EFTUD2: variants seen among roughly 807,000 people sequenced by gnomAD.
EFTUD2 encodes 116 kDa U5 small nuclear ribonucleoprotein component.
In EFTUD2, 9 loss-of-function variants were observed where a neutral mutation model predicts 114.3. The ratio of observed to expected loss-of-function variants is 0.08; its 90% CI spans 0.05 to 0.14. The LOEUF is 0.14. EFTUD2 is among the 10% of genes least tolerant of loss of function. EFTUD2 has a pLI of 1.00. For missense variants in EFTUD2, 765 were observed against 1,241.2 expected, an observed-to-expected ratio of 0.62 and a Z score of 5.76; for synonymous variants, 449 against 462.3, an observed-to-expected ratio of 0.97 and a Z score of 0.37.
chr17:44,856,821 C>T (rs770964987), intron 20 of EFTUD2, among the ~76,000 whole-genome samples: 2 of 151,648 alleles, frequency 1.3e-5, no homozygotes, highest in Admixed American at 6.6e-5. Context: ...TTAAGATAGT[C>T]ATTTTATAGA....
chr17:44,855,056 G>A, intron 20 of EFTUD2, 52 bp from the exon 21 acceptor site: 2 of 1,493,076 alleles, frequency 1.3e-6, no homozygotes, highest in South Asian at 2.3e-5. Flanking sequence ...CAGCAGAAGA[G>A]GCATTACTAA....
In EFTUD2 at chr17:44,867,816, G is replaced by A; in HGVS notation, c.1140C>T (p.Ile380=). Residue 380 remains isoleucine, a synonymous_variant, in exon 13 of 28, where the codon ATC becomes ATT. Transcript: ENST00000426333. ...GACCTGACACACTCACCTGGGCGAGGATCTTATAAAGAGGCTCCAAGATAA... is the reference window on the plus strand; with the variant it reads ...GACCTGACACACTCACCTGGGCGAGAATCTTATAAAGAGGCTCCAAGATAA... ...VEFILEPLYK[I]LAQVVGDVDT... 1.3e-6 allele frequency: 2 copies of A among 1,596,342 alleles called. No individual in the cohort carries two copies. The highest frequency in any genetic ancestry group is 1.7e-6 in the Non-Finnish European group (2 of 1,170,630).
chr17:44,885,326 T>C lies in EFTUD2; in HGVS notation c.280A>G (p.Ile94Val), dbSNP rs1307844903. The C allele has an allele frequency of 1.2e-6, 2 of 1,612,904 alleles. No homozygotes were observed. Among genetic ancestry groups the C allele is most frequent in the Admixed American group, 1.7e-5 (1 of 59,984 alleles). ...AATTTCTTGGTTTTCACTGGCTTAA[T>C]AATGGGTTCTAGAAGAAAAAAAAAA... ...EDTQPLTEPI[I>V]KPVKTKKFTL... The change falls in exon 4 of 28, where the codon ATT becomes GTT. Residue 94 changes from isoleucine to valine, a missense_variant. This residue lies in a region of EFTUD2 where 121 missense variants were observed against 133.7 expected (regional missense o/e 0.90). Coordinates refer to ENST00000426333, the MANE Select transcript of EFTUD2 (RefSeq NM_004247.4).
At position 44,862,747 on chromosome 17, in the gene EFTUD2, A is replaced by G. The variant is rs765312595; in HGVS notation, c.1573T>C (p.Cys525Arg). The part of the protein sequence containing the change: ...TLEDEEDSQI[C>R]TVGRLWISVA... ...GAGATCCAAAGGCGGCCCACGGTGC[A>G]TATCTGGGAGTCTTCCTCATCCTCC... The change falls in exon 16 of 28, where the codon TGC becomes CGC. Residue 525 changes from cysteine to arginine, a missense_variant. Physicochemically the swap from Cys to Arg is radical, Grantham distance 180. Transcript: ENST00000426333. 3.7e-6 allele frequency: 6 copies of G among 1,614,064 alleles called. No individual in the cohort carries two copies. The highest frequency in any genetic ancestry group is 4.5e-5 in the East Asian group (2 of 44,878).
chr17:44,851,564 G>A (rs1483302940), intron 27 of EFTUD2, 146 bp downstream of exon 27: 3 of 961,324 alleles, frequency 3.1e-6, no homozygotes, highest in East Asian at 2.6e-5. Context: ...TGGGGCCCAG[G>A]TTTGGTTGCC....
chr17:44,857,298 C>T, intron 19 of EFTUD2, 141 bp from the exon 20 acceptor site: 1 of 663,490 alleles, frequency 1.5e-6, no homozygotes, highest in South Asian at 1.7e-5. Context: ...GTGATAAGTA[C>T]AACAGCAGGT....
At chr17:44,868,416 G>C in intron 11 of EFTUD2, 66 bp from the exon 12 acceptor site, 1 of 1,514,906 alleles carries the variant, frequency 6.6e-7, no homozygotes. Context: ...TGTTTCAGGT[G>C]CCACAGGTGG....
chr17:44,876,855 CAAAAAAAAAA>C (rs58892812), intron 9 of EFTUD2, among the ~76,000 whole-genome samples: 7 of 48,242 alleles, frequency 1.5e-4, no homozygotes, highest in Non-Finnish European at 2.0e-4. Flanking sequence ...GACTCCGTCT[CAAAAAAAAAA>C]AAAAAAAAAA....
chr17:44,881,578 G>C, intron 7 of EFTUD2, 109 bp downstream of exon 7: 1 of 1,147,398 alleles, frequency 8.7e-7, no homozygotes, highest in Non-Finnish European at 1.3e-6. Context: ...AGAGAGAGGA[G>C]TAGGATATGA....
intron 16 of EFTUD2, 57 bp downstream of exon 16, chr17:44,862,656 G>C: frequency 7.3e-6 from 11 of 1,513,536 alleles, no homozygotes; most frequent in Non-Finnish European, 9.9e-6. Flanking sequence ...CCAGCTCCTT[G>C]GGGGCAGCCC....
intron 11 of EFTUD2, among the ~76,000 whole-genome samples, chr17:44,870,928 G>T (rs2050840301): frequency 6.6e-6 from 1 of 151,958 alleles, no homozygotes; most frequent in African/African-American, 2.4e-5. Flanking sequence ...TGAGGCAGGA[G>T]AATCACTTAA....
chr17:44,888,209 G>A (rs1239858794), intron 2 of EFTUD2, among the ~76,000 whole-genome samples: 5 of 152,168 alleles, frequency 3.3e-5, no homozygotes, highest in Admixed American at 1.3e-4. Flanking sequence ...AGGAAGCTGC[G>A]ATCACATGGG....
chr17:44,857,357 T>G, intron 19 of EFTUD2, 200 bp from the exon 20 acceptor site: 1 of 497,588 alleles, frequency 2.0e-6, no homozygotes, highest in Non-Finnish European at 3.7e-6. Flanking sequence ...AAACTTACTG[T>G]AGTAAAGAAA....
intron 13 of EFTUD2, among the ~76,000 whole-genome samples, chr17:44,865,991 G>A (rs1306414375): frequency 1.3e-5 from 2 of 152,078 alleles, no homozygotes; most frequent in African/African-American, 2.4e-5. Context: ...TATTTTGTGC[G>A]GAGATAAAGG....
Position 44,883,657 on chromosome 17 carries a change from G to A in EFTUD2, c.418C>T (p.His140Tyr), listed in dbSNP as rs781622245. 2 of 1,613,904 alleles carry A rather than the reference G, an allele frequency of 1.2e-6. No individual in the cohort carries two copies. The highest frequency in any genetic ancestry group is 1.7e-6 in the Non-Finnish European group (2 of 1,179,782). ...RNVTLCGHLH[H>Y]GKTCFVDCLI... ...TGAAAGTTCCGTCTTACCTTGCCAT[G>A]GTGGAGATGTCCACAAAGGGTCACA... Residue 140 changes from histidine to tyrosine, a missense_variant, in exon 5 of 28, where the codon CAT becomes TAT. His to Tyr is a moderately conservative substitution (Grantham distance 83). This residue lies in a region of EFTUD2 where 19 missense variants were observed against 53.0 expected (regional missense o/e 0.36). Coordinates refer to ENST00000426333, the MANE Select transcript of EFTUD2 (RefSeq NM_004247.4).
intron 2 of EFTUD2, 40 bp from the exon 3 acceptor site, chr17:44,886,790 G>A (rs763150342): frequency 3.1e-5 from 49 of 1,581,510 alleles, no homozygotes; most frequent in Admixed American, 7.3e-5. Flanking sequence ...AGAGGCACAC[G>A]CTTTTCCTGT....
intron 25 of EFTUD2, 127 bp downstream of exon 25, chr17:44,853,169 T>C: frequency 2.1e-6 from 2 of 965,802 alleles, no homozygotes; most frequent in East Asian, 4.9e-5. Context: ...TTCTGGAAAA[T>C]CAGCTCTCGG....
Position 44,854,682 on chromosome 17 carries a change from C to T in EFTUD2, c.2133G>A (p.Arg711=). Residue 711 remains arginine, a splice_region_variant and synonymous_variant, in exon 22 of 28, where the codon AGG becomes AGA. Coordinates refer to ENST00000426333, the MANE Select transcript of EFTUD2 (RefSeq NM_004247.4). This position sits in a 1 kb window ranked among gnomAD's most constrained non-coding sequence, Gnocchi z 4.3. ...ENEVVQITWN[R]KKLGEFFQTK... is the part of the protein sequence containing the mutation. Reference sequence around the variant, plus strand: ...TCTGGAAGAACTCTCCCAGCTTCTTCCTGGGGAAGGGAGGAGACAATGGAG... The same window carrying T: ...TCTGGAAGAACTCTCCCAGCTTCTTTCTGGGGAAGGGAGGAGACAATGGAG... The T allele has an allele frequency of 1.2e-6, 2 of 1,612,750 alleles. No homozygotes were observed. The highest frequency in any genetic ancestry group is 1.7e-6 in the Non-Finnish European group (2 of 1,179,112).
At chr17:44,860,405 C>T (rs750345257) in intron 17 of EFTUD2, 27 bp downstream of exon 17, 4 of 1,538,208 alleles carry the variant, frequency 2.6e-6, no homozygotes, top group Non-Finnish European at 3.6e-6. Flanking sequence ...CTTAAGCCAA[C>T]CCAGTTGGTC....
Sources: allele counts gnomAD v4.1 joint callset (sites outside exome capture counted in the v4.1 genomes callset), GRCh38; gene constraint gnomAD v4.1.1; regional missense constraint gnomAD v4.1.1; non-coding constraint Gnocchi (gnomAD v3.1); transcripts MANE v1.5; gene names NCBI Gene and HGNC (gene_info 2026-07-23, HGNC 2026-07-21).